ABL1: variants seen among roughly 807,000 people sequenced by gnomAD.
ABL1 encodes ABL proto-oncogene 1, non-receptor tyrosine kinase, also known as tyrosine-protein kinase ABL1.
In ABL1, 11 loss-of-function variants were observed where a neutral mutation model predicts 94.7. The ratio of observed to expected loss-of-function variants is 0.12; its 90% CI spans 0.07 to 0.19. The LOEUF is 0.19. Ranked by LOEUF, ABL1 falls within the 10% of genes least tolerant of loss-of-function variation. The probability of loss-of-function intolerance (pLI) is 1.00; values close to 1 mark genes in which losing one functional copy is unlikely to be tolerated. For synonymous variants in ABL1, 656 were observed against 622.4 expected, an observed-to-expected ratio of 1.05 and a Z score of -0.80; for missense variants, 1,082 against 1,489.4, an observed-to-expected ratio of 0.73 and a Z score of 4.50.
At chr9:130,721,822 G>GTTTTTTTTTTTT (rs746954089) in intron 1 of ABL1, among the ~76,000 whole-genome samples, 5 of 120,880 alleles carry the variant, frequency 4.1e-5, no homozygotes, top group African/African-American at 6.5e-5. Flanking sequence ...GTTTTTTTTT[G>GTTTTTTTTTTTT]TTTTTTTTTT....
intron 1 of ABL1, among the ~76,000 whole-genome samples, chr9:130,740,947 C>T (rs1281528404): frequency 3.3e-5 from 5 of 151,082 alleles, no homozygotes; most frequent in Non-Finnish European, 7.4e-5. Context: ...CTGCAGCTGG[C>T]CTTCACTTAT....
intron 3 of ABL1, among the ~76,000 whole-genome samples, chr9:130,855,539 C>T (rs1237456119): frequency 1.3e-5 from 2 of 152,138 alleles, no homozygotes; most frequent in Non-Finnish European, 1.5e-5. Context: ...CTTCTTCCTG[C>T]GGATGAACAC....
At chr9:130,843,835 T>C (rs1343400257) in intron 1 of ABL1, among the ~76,000 whole-genome samples, 5 of 151,982 alleles carry the variant, frequency 3.3e-5, no homozygotes, top group African/African-American at 1.2e-4. Flanking sequence ...GAGGCTGGAA[T>C]GGAAAGCAGG....
chr9:130,773,746 GCT>G (rs1446020253), intron 1 of ABL1, among the ~76,000 whole-genome samples: 1 of 150,018 alleles, frequency 6.7e-6, no homozygotes, highest in Non-Finnish European at 1.5e-5. Context: ...CTCCCAAAAT[GCT>G]GGGATTACAG....
chr9:130,803,214 A>G (rs1026551481), intron 1 of ABL1, among the ~76,000 whole-genome samples: 1 of 151,894 alleles, frequency 6.6e-6, no homozygotes, highest in East Asian at 1.9e-4. Context: ...TAATTTTTGT[A>G]TTCTTAGTAG....
intron 1 of ABL1, among the ~76,000 whole-genome samples, chr9:130,787,442 G>T (rs1230648096): frequency 6.6e-6 from 1 of 152,058 alleles, no homozygotes; most frequent in Non-Finnish European, 1.5e-5. Flanking sequence ...CTTTTGCATT[G>T]TATCAGTGCA....
intron 4 of ABL1, among the ~76,000 whole-genome samples, chr9:130,871,505 G>C (rs528777956): frequency 6.6e-6 from 1 of 152,328 alleles, no homozygotes; most frequent in South Asian, 2.1e-4. Flanking sequence ...GGAGCTGCTG[G>C]TGAGGATTAT....
intron 1 of ABL1, among the ~76,000 whole-genome samples, chr9:130,843,921 A>G (rs1830717689): frequency 1.3e-5 from 2 of 152,112 alleles, no homozygotes; most frequent in South Asian, 4.1e-4. Context: ...GACTTTTACT[A>G]TAGTGGTGGA....
At chr9:130,773,018 C>G (rs1260032925) in intron 1 of ABL1, among the ~76,000 whole-genome samples, 2 of 152,150 alleles carry the variant, frequency 1.3e-5, no homozygotes, top group African/African-American at 2.4e-5. Context: ...TCCCCAAGGC[C>G]TATAAAATAA....
intron 1 of ABL1, among the ~76,000 whole-genome samples, chr9:130,762,582 G>A (rs1369231144): frequency 2.0e-5 from 3 of 152,034 alleles, no homozygotes; most frequent in African/African-American, 7.2e-5. Context: ...CCTGCTTTCA[G>A]TCTTCCTCCT....
intron 1 of ABL1, among the ~76,000 whole-genome samples, chr9:130,809,403 AGAGAGAGAGAGAGAGTGT>A (rs1412969495): frequency 3.8e-5 from 5 of 131,466 alleles, no homozygotes; most frequent in Non-Finnish European, 6.6e-5. Flanking sequence ...AGAGAGAGAG[AGAGAGAGAGAGAGAGTGT>A]GTGTGTGTGT....
Position 130,862,899 on chromosome 9 carries a change from C to A in ABL1, c.686C>A (p.Ser229Tyr). The A allele has an allele frequency of 6.2e-7, 1 of 1,614,170 alleles. No individual in the cohort carries two copies. Among genetic ancestry groups the A allele is most frequent in the Non-Finnish European group, 8.5e-7 (1 of 1,180,046 alleles). Residue 229 changes from serine (S) to tyrosine (Y), a missense_variant, in exon 4 of 11, where the codon TCC becomes TAC. By Grantham distance (144) the Ser-to-Tyr change is moderately radical. This residue lies in a region of ABL1 where 92 missense variants were observed against 212.3 expected (regional missense o/e 0.43). Coordinates refer to ENST00000318560, the MANE Select transcript of ABL1 (RefSeq NM_005157.6). The surrounding 1 kb of genome is among the most constrained non-coding windows in gnomAD (Gnocchi z 5.5). ...AACAAGCCCACTGTCTATGGTGTGTCCCCCAACTACGACAAGTGGGAGATG... is the reference window on the plus strand; with the variant it reads ...AACAAGCCCACTGTCTATGGTGTGTACCCCAACTACGACAAGTGGGAGATG... ...KRNKPTVYGVSPNYDKWEMER... is the reference protein window; with the variant it reads ...KRNKPTVYGVYPNYDKWEMER...
In ABL1 at chr9:130,795,787, GA is replaced by G. The variant is rs1200799670; in HGVS notation, c.137-58274del. On this transcript the variant is annotated intron_variant, in intron 1 of 10. Transcript: ENST00000372348. ...TGATACCACAATATTTAAATTTTAGGAAAGACTGGATAGAAATATAAAATAA... is the reference window on the plus strand; with the variant it reads ...TGATACCACAATATTTAAATTTTAGGAAGACTGGATAGAAATATAAAATAA... 5.8e-4 allele frequency among the ~76,000 whole-genome samples: 88 copies of G among 152,288 alleles called. 2 individuals carry two copies. Among genetic ancestry groups the G allele is most frequent in the African/African-American group, 2.1e-3 (86 of 41,554 alleles).
intron 1 of ABL1, among the ~76,000 whole-genome samples, chr9:130,743,567 CAG>C (rs1157883635): frequency 6.6e-6 from 1 of 152,170 alleles, no homozygotes; most frequent in Non-Finnish European, 1.5e-5. Flanking sequence ...AGGTGAGACA[CAG>C]AGCAGCACAG....
intron 1 of ABL1, among the ~76,000 whole-genome samples, chr9:130,813,061 A>C (rs1002640678): frequency 2.0e-5 from 3 of 152,058 alleles, no homozygotes; most frequent in Admixed American, 2.0e-4. Context: ...GAAAAATACC[A>C]AAAATTAGCT....
chr9:130,846,696 C>T (rs893810929), intron 1 of ABL1, among the ~76,000 whole-genome samples: 1 of 152,202 alleles, frequency 6.6e-6, no homozygotes, highest in Non-Finnish European at 1.5e-5. Context: ...GAGGTCAAGT[C>T]CCCCCTTGGG....
intron 1 of ABL1, among the ~76,000 whole-genome samples, chr9:130,845,900 C>T (rs568236393): frequency 3.3e-5 from 5 of 152,012 alleles, no homozygotes; most frequent in East Asian, 1.9e-4. Flanking sequence ...GCTGGCCTTC[C>T]GTTAGACTTT....
intron 1 of ABL1, among the ~76,000 whole-genome samples, chr9:130,811,416 CTT>C (rs1340324999): frequency 6.6e-6 from 1 of 152,090 alleles, no homozygotes; most frequent in Non-Finnish European, 1.5e-5. Context: ...AAAGATATGT[CTT>C]AGAGGTAATT....
intron 1 of ABL1, among the ~76,000 whole-genome samples, chr9:130,852,596 G>A (rs1239195606): frequency 1.3e-5 from 2 of 151,968 alleles, no homozygotes; most frequent in Admixed American, 6.6e-5. Flanking sequence ...TCTACTTGAG[G>A]TTATTTGATT....
Sources: gnomAD v4.1 joint callset for allele counts (sites outside exome capture counted in the v4.1 genomes callset) on GRCh38, gnomAD v4.1.1 for gene constraint, gnomAD v4.1.1 regional missense constraint, Gnocchi (gnomAD v3.1) non-coding constraint, MANE v1.5 for transcripts, NCBI Gene and HGNC (gene_info 2026-07-23, HGNC 2026-07-21) for gene names.